Variants in RANBP2 observed in about 807,000 individuals in gnomAD.
RANBP2 encodes the protein RAN binding protein 2, also known as E3 SUMO-protein ligase RanBP2.
In RANBP2, 57 loss-of-function variants were observed where a neutral mutation model predicts 303.6. The observed-to-expected ratio is 0.19, with a 90% confidence interval of 0.15 to 0.23. RANBP2 has a LOEUF of 0.23. Among genes scored for constraint, RANBP2 ranks in the 10% least tolerant of loss-of-function variants. The pLI is 1.00. For missense variants in RANBP2, 3,138 were observed against 3,780.8 expected, an observed-to-expected ratio of 0.83 and a Z score of 4.46; for synonymous variants, 1,167 against 1,301.5, an observed-to-expected ratio of 0.90 and a Z score of 2.23.
At chr2:109,214,482 A>G in the RANBP2 span, among the ~76,000 whole-genome samples, 9 of 152,124 alleles carry the variant, frequency 5.9e-5, no homozygotes, top group African/African-American at 4.8e-5. Context: ...AGAAAAAAAA[A>G]AAAAGGAGTG....
the RANBP2 span, among the ~76,000 whole-genome samples, chr2:109,236,671 G>A: frequency 2.8e-3 from 421 of 152,294 alleles, 4 homozygotes; most frequent in African/African-American, 9.7e-3. Context: ...GACGCCTAAA[G>A]GTCAAGGTCG....
At chr2:108,817,580 C>A in the RANBP2 span, among the ~76,000 whole-genome samples, 2 of 152,116 alleles carry the variant, frequency 1.3e-5, no homozygotes, top group African/African-American at 2.4e-5. Context: ...CATGAGCCAC[C>A]GTGCCCAGCC....
chr2:108,803,719 A>G, the RANBP2 span, among the ~76,000 whole-genome samples: 3 of 152,146 alleles, frequency 2.0e-5, no homozygotes, highest in Non-Finnish European at 4.4e-5. Context: ...TGCTTCTACA[A>G]GTTTTCTCTC....
chr2:109,531,874 ACAT>A, the RANBP2 span, among the ~76,000 whole-genome samples: 4 of 152,394 alleles, frequency 2.6e-5, no homozygotes, highest in East Asian at 7.7e-4. Context: ...TAATGCCCCA[ACAT>A]CAGTGAGCTC....
chr2:109,013,421 T>C, the RANBP2 span, among the ~76,000 whole-genome samples: 1 of 152,198 alleles, frequency 6.6e-6, no homozygotes, highest in Non-Finnish European at 1.5e-5. Flanking sequence ...CTGACCACTA[T>C]GAGAGTTTGT....
the RANBP2 span, among the ~76,000 whole-genome samples, chr2:109,648,058 G>T: frequency 6.6e-6 from 1 of 152,208 alleles, no homozygotes; most frequent in Non-Finnish European, 1.5e-5. Context: ...AGGGGTTACA[G>T]GATGGAAACA....
the RANBP2 span, among the ~76,000 whole-genome samples, chr2:109,386,168 G>T: frequency 6.6e-6 from 1 of 152,226 alleles, no homozygotes; most frequent in Non-Finnish European, 1.5e-5. Flanking sequence ...CGCCTTGCCT[G>T]GAATTGCTCC....
the RANBP2 span, among the ~76,000 whole-genome samples, chr2:109,120,776 G>A: frequency 3.9e-5 from 6 of 151,968 alleles, no homozygotes; most frequent in Non-Finnish European, 8.8e-5. Flanking sequence ...CGGGGAGGAG[G>A]GGTCCTGTTG....
chr2:109,014,939 G>C, the RANBP2 span, among the ~76,000 whole-genome samples: 2,118 of 152,016 alleles, frequency 0.014, 51 homozygotes, highest in African/African-American at 0.049. Context: ...GGCCAATATG[G>C]TGAAACCCTA....
chr2:108,828,249 C>G, the RANBP2 span, among the ~76,000 whole-genome samples: 2 of 151,952 alleles, frequency 1.3e-5, no homozygotes, highest in South Asian at 2.1e-4. Context: ...AATACGAGAA[C>G]AAGGAAGGTT....
At chr2:109,036,864 C>G in the RANBP2 span, among the ~76,000 whole-genome samples, 1 of 152,160 alleles carries the variant, frequency 6.6e-6, no homozygotes, top group East Asian at 1.9e-4. Flanking sequence ...AAAAATCAGG[C>G]TGGGCAAGGT....
chr2:109,668,435 T>A, the RANBP2 span, among the ~76,000 whole-genome samples: 5 of 152,272 alleles, frequency 3.3e-5, no homozygotes, highest in South Asian at 1.0e-3. Context: ...AGCTGAAAAC[T>A]ACAAAGTATT....
chr2:109,056,951 G>A, the RANBP2 span, among the ~76,000 whole-genome samples: 1 of 152,250 alleles, frequency 6.6e-6, no homozygotes, highest in African/African-American at 2.4e-5. Flanking sequence ...GGAGGCAGGT[G>A]CCTGGGAGAG....
chr2:109,078,100 A>ATATATATATAGCGTG, the RANBP2 span, among the ~76,000 whole-genome samples: 88 of 69,998 alleles, frequency 1.3e-3, 1 homozygote, highest in African/African-American at 3.3e-3. Context: ...ATATATATAT[A>ATATATATATAGCGTG]TATATATATA....
chr2:109,233,494 G>A, the RANBP2 span, among the ~76,000 whole-genome samples: 2 of 152,202 alleles, frequency 1.3e-5, no homozygotes, highest in South Asian at 4.1e-4. Context: ...GGTTTTATAG[G>A]TACAGGATGG....
the RANBP2 span, chr2:109,619,013 T>G: frequency 2.4e-5 from 4 of 167,086 alleles, no homozygotes; most frequent in African/African-American, 7.2e-5. Flanking sequence ...TTGTCTAAGT[T>G]TCTGTCGTCC....
chr2:108,769,531 T>G (rs1268509425), intron 20 of RANBP2, among the ~76,000 whole-genome samples: 2 of 149,750 alleles, frequency 1.3e-5, no homozygotes, highest in Non-Finnish European at 3.0e-5. Flanking sequence ...TTTTTTAAAA[T>G]GTACTGGGAT....
the RANBP2 span, chr2:108,895,740 G>T: frequency 1.3e-5 from 2 of 152,184 alleles, no homozygotes; most frequent in Non-Finnish European, 2.9e-5. Flanking sequence ...AAAAGACAAG[G>T]CCCAAGGTGG....
At chr2:109,396,150 A>G in the RANBP2 span, among the ~76,000 whole-genome samples, 1 of 152,202 alleles carries the variant, frequency 6.6e-6, no homozygotes, top group East Asian at 1.9e-4. Context: ...GTGGGCAGAG[A>G]ACACTGGGGT....
Sources: gnomAD v4.1 joint callset for allele counts (sites outside exome capture counted in the v4.1 genomes callset) on GRCh38, gnomAD v4.1.1 for gene constraint, MANE v1.5 for transcripts, NCBI Gene and HGNC (gene_info 2026-07-23, HGNC 2026-07-21) for gene names.